APP: variants seen among roughly 807,000 people sequenced by gnomAD.
The protein encoded by APP is amyloid-beta precursor protein.
A neutral mutation model predicts 101.4 loss-of-function variants in APP; 31 were observed. That is an observed-to-expected ratio of 0.31 (90% CI 0.23 to 0.41). APP has a LOEUF of 0.41. Among genes scored for constraint, APP ranks in the 10% least tolerant of loss-of-function variants. The probability of loss-of-function intolerance (pLI) is 1.00; values close to 1 mark genes in which losing one functional copy is unlikely to be tolerated. For synonymous variants in APP, 366 were observed against 364.4 expected (o/e 1.00, Z -0.05); for missense variants, 839 against 1,003.7 (o/e 0.84, Z 2.22).
chr21:25,930,330 A>G (rs2040087906), intron 13 of APP, among the ~76,000 whole-genome samples: 1 of 152,252 alleles, frequency 6.6e-6, no homozygotes, highest in Admixed American at 6.5e-5. Context: ...ATTGGGAAAC[A>G]GTGCCCCTCC....
chr21:26,021,730 A>C (rs951348634), intron 6 of APP, 110 bp downstream of exon 6: 34 of 1,456,278 alleles, frequency 2.3e-5, no homozygotes, highest in Middle Eastern at 2.5e-4. Flanking sequence ...GGAAAAAAAA[A>C]CATGTTTTTG....
In APP at chr21:25,914,593, G is replaced by T. The variant is rs574440569; in HGVS notation, c.1688-2631C>A. Among the ~76,000 whole-genome samples, 56 of 128,798 alleles carry T rather than the reference G, an allele frequency of 4.3e-4. 1 individual carries two copies. The highest frequency in any genetic ancestry group is 9.7e-4 in the South Asian group (4 of 4,122). 84.5% of individuals were successfully genotyped at this position (128,798 alleles called of 152,430 possible). A position where few individuals can be genotyped will look rare whatever the true frequency, so the allele number is the denominator to read the frequency against. ...TTTTGAGACGGAGTCTTGCTCTGTC[G>T]CCCAGGCTGGAGTGCAGTGGCGCAA... On this transcript the variant is annotated intron_variant, in intron 13 of 17. Coordinates refer to ENST00000346798, the MANE Select transcript of APP (RefSeq NM_000484.4).
intron 5 of APP, among the ~76,000 whole-genome samples, chr21:26,022,716 G>A (rs2044396624): frequency 6.6e-6 from 1 of 152,168 alleles, no homozygotes; most frequent in Non-Finnish European, 1.5e-5. Flanking sequence ...GCCGTATTAT[G>A]GGAATTACTT....
At chr21:26,133,433 T>A (rs889169835) in intron 1 of APP, among the ~76,000 whole-genome samples, 2 of 152,224 alleles carry the variant, frequency 1.3e-5, no homozygotes, top group East Asian at 1.9e-4. Context: ...GACAAATCAT[T>A]AGACTATGGA....
At chr21:26,163,060 T>G (rs200102432) in intron 1 of APP, among the ~76,000 whole-genome samples, 1 of 119,722 alleles carries the variant, frequency 8.4e-6, no homozygotes, top group East Asian at 2.2e-4. Flanking sequence ...AAACCCTGTC[T>G]CTACTAAAAA....
At chr21:26,081,439 TTGAGCCAGGA>T (rs1264050472) in intron 3 of APP, among the ~76,000 whole-genome samples, 1 of 152,038 alleles carries the variant, frequency 6.6e-6, no homozygotes, top group Admixed American at 6.6e-5. Context: ...GGGGGAGTTT[TTGAGCCAGGA>T]TGAGCCAGAA....
At chr21:26,080,818 T>C (rs1031894242) in intron 3 of APP, among the ~76,000 whole-genome samples, 2 of 151,446 alleles carry the variant, frequency 1.3e-5, no homozygotes, top group Admixed American at 1.3e-4. Context: ...AGATTACTGG[T>C]ATCTTTTACT....
chr21:25,988,649 C>G (rs2042732307), intron 8 of APP, among the ~76,000 whole-genome samples: 1 of 147,098 alleles, frequency 6.8e-6, no homozygotes, highest in Non-Finnish European at 1.5e-5. Context: ...TTGTGGTGAG[C>G]CAAGATTGTG....
At position 26,112,095 on chromosome 21, in the gene APP, A is replaced by C; in HGVS notation, c.109T>G (p.Phe37Val). Residue 37 changes from phenylalanine (F) to valine (V), a missense_variant, in exon 2 of 18, where the codon TTC becomes GTC. Coordinates refer to ENST00000346798, the MANE Select transcript of APP (RefSeq NM_000484.4). ...GLLAEPQIAMFCGRLNMHMNV... is the reference protein window; with the variant it reads ...GLLAEPQIAMVCGRLNMHMNV... The stretch of plus-strand genomic sequence containing the variant: ...ATGTGCATGTTCAGTCTGCCACAGA[A>C]CATGGCAATCTGGGGTTCAGCCAGC... 1 of 1,614,164 alleles carries C rather than the reference A, an allele frequency of 6.2e-7. No homozygotes were observed. The highest frequency in any genetic ancestry group is 8.5e-7 in the Non-Finnish European group (1 of 1,179,994).
chr21:26,125,236 A>G (rs977062709), intron 1 of APP, among the ~76,000 whole-genome samples: 7 of 152,174 alleles, frequency 4.6e-5, no homozygotes, highest in African/African-American at 1.4e-4. Context: ...GCAGCATCCC[A>G]CCAGTGTATG....
intron 1 of APP, chr21:26,140,532 G>A (rs1380500442): frequency 2.9e-6 from 1 of 339,448 alleles, no homozygotes; most frequent in Admixed American, 4.7e-5. Flanking sequence ...AGGGGCTGTG[G>A]AGAAGGAACT....
intron 5 of APP, among the ~76,000 whole-genome samples, chr21:26,025,958 C>G (rs1469731614): frequency 3.3e-5 from 5 of 152,146 alleles, no homozygotes; most frequent in African/African-American, 9.7e-5. Flanking sequence ...AACAACATTA[C>G]AACTTTTAAC....
At chr21:26,125,541 C>G (rs2062663979) in intron 1 of APP, among the ~76,000 whole-genome samples, 1 of 152,038 alleles carries the variant, frequency 6.6e-6, no homozygotes, top group African/African-American at 2.4e-5. Flanking sequence ...AGGGAAGATT[C>G]TAAGGCTTGT....
intron 13 of APP, among the ~76,000 whole-genome samples, chr21:25,916,976 C>T (rs554275655): frequency 5.5e-4 from 84 of 152,122 alleles, no homozygotes; most frequent in African/African-American, 1.7e-3. Context: ...ACAAATGCTT[C>T]GAGGTGGCCA....
chr21:26,141,114 C>T, intron 1 of APP, among the ~76,000 whole-genome samples: 1 of 152,170 alleles, frequency 6.6e-6, no homozygotes, highest in Non-Finnish European at 1.5e-5. Flanking sequence ...TGACGCCTGG[C>T]ACCTAGTCAA....
chr21:26,033,691 T>C (rs191229283), intron 5 of APP, among the ~76,000 whole-genome samples: 3 of 152,256 alleles, frequency 2.0e-5, no homozygotes, highest in African/African-American at 2.4e-5. Context: ...GTTAGTTGTA[T>C]TGCAACAAAC....
chr21:26,125,575 G>A (rs940733884), intron 1 of APP, among the ~76,000 whole-genome samples: 2 of 152,040 alleles, frequency 1.3e-5, no homozygotes, highest in African/African-American at 2.4e-5. Context: ...GAGCACATTC[G>A]GTGCGGTGTT....
intron 5 of APP, among the ~76,000 whole-genome samples, chr21:26,047,850 A>G (rs1170652792): frequency 6.6e-6 from 1 of 152,244 alleles, no homozygotes; most frequent in Non-Finnish European, 1.5e-5. Flanking sequence ...AAATGTTAAA[A>G]GAAGTGTTAA....
At chr21:25,935,858 A>C (rs199922175) in intron 13 of APP, among the ~76,000 whole-genome samples, 8 of 150,016 alleles carry the variant, frequency 5.3e-5, no homozygotes, top group African/African-American at 2.0e-4. Context: ...AAAAAAAAAA[A>C]AAACCTGTCA....
Sources: gnomAD v4.1 joint callset for allele counts (sites outside exome capture counted in the v4.1 genomes callset) on GRCh38, gnomAD v4.1.1 for gene constraint, MANE v1.5 for transcripts, NCBI Gene and HGNC (gene_info 2026-07-23, HGNC 2026-07-21) for gene names.